KAZN: variants seen among roughly 807,000 people sequenced by gnomAD.
KAZN encodes kazrin, periplakin interacting protein.
In KAZN, 40 loss-of-function variants were observed where a neutral mutation model predicts 87.4. The observed-to-expected ratio is 0.46, with a 90% CI of 0.36 to 0.60. KAZN has a LOEUF of 0.60. Among genes scored for constraint, KAZN ranks in the 20% least tolerant of loss-of-function variants. The pLI is 0.00. For missense variants in KAZN, 898 were observed against 1,073.9 expected (o/e 0.84, Z 2.29); for synonymous variants, 466 against 458.3 (o/e 1.02, Z -0.22).
chr1:14,563,230 C>A (rs1274774351), intron 2 of KAZN, among the ~76,000 whole-genome samples: 1 of 152,198 alleles, frequency 6.6e-6, no homozygotes, highest in East Asian at 1.9e-4. Context: ...GCCTTTCTAC[C>A]AAGTGCATTC....
intron 2 of KAZN, among the ~76,000 whole-genome samples, chr1:14,444,984 A>G (rs1309832131): frequency 3.3e-5 from 5 of 151,976 alleles, no homozygotes; most frequent in African/African-American, 1.2e-4. Context: ...TAATCAAGTT[A>G]AAATGAGGTC....
chr1:14,325,639 A>G (rs950670449), intron 2 of KAZN, among the ~76,000 whole-genome samples: 1 of 152,204 alleles, frequency 6.6e-6, no homozygotes, highest in Non-Finnish European at 1.5e-5. Context: ...AACTCAAGGA[A>G]CTTCTTAATA....
At chr1:14,081,666 T>A (rs1305083182) in intron 1 of KAZN, among the ~76,000 whole-genome samples, 1 of 152,184 alleles carries the variant, frequency 6.6e-6, no homozygotes, top group Non-Finnish European at 1.5e-5. Context: ...CTGTGGCCAA[T>A]CCCTGATTTA....
At chr1:14,520,540 C>T (rs147492160) in intron 2 of KAZN, among the ~76,000 whole-genome samples, 1 of 152,184 alleles carries the variant, frequency 6.6e-6, no homozygotes, top group African/African-American at 2.4e-5. Flanking sequence ...AGCAGTGGCT[C>T]ATGGGACAAC....
At chr1:15,093,556 T>C (rs1640653933) in intron 8 of KAZN, among the ~76,000 whole-genome samples, 1 of 152,094 alleles carries the variant, frequency 6.6e-6, no homozygotes, top group South Asian at 2.1e-4. Flanking sequence ...TGAATCTGCA[T>C]TTTTACATAA....
intron 1 of KAZN, among the ~76,000 whole-genome samples, chr1:14,164,781 C>T (rs921818575): frequency 6.6e-5 from 10 of 151,966 alleles, no homozygotes; most frequent in African/African-American, 1.2e-4. Flanking sequence ...TCAGGTGATC[C>T]GCCTGCCTCG....
At chr1:14,580,635 A>G (rs779557179) in intron 2 of KAZN, among the ~76,000 whole-genome samples, 115 of 152,138 alleles carry the variant, frequency 7.6e-4, no homozygotes, top group Non-Finnish European at 1.4e-3. Flanking sequence ...GTGGTGGGTG[A>G]GGATTAGGAG....
chr1:14,812,700 A>C (rs183803439), intron 1 of KAZN, among the ~76,000 whole-genome samples: 78 of 152,214 alleles, frequency 5.1e-4, no homozygotes, highest in Admixed American at 1.4e-3. Context: ...TTTTTTGTAG[A>C]GATGAGGTCT....
rs2100691528 is a variant in KAZN at position 15,096,583 on chromosome 1, T to C, written c.1547+1650T>C. On this transcript the variant is annotated intron_variant, in intron 10 of 14. Transcript: ENST00000376030. This position sits in a 1 kb window ranked among gnomAD's most constrained non-coding sequence, Gnocchi z 4.5. ...CCATAACAAAATGACACCATCTGGGTTGCTTAGACAACAACTTACGTCTCA... is the reference window on the plus strand; with the variant it reads ...CCATAACAAAATGACACCATCTGGGCTGCTTAGACAACAACTTACGTCTCA... Among the ~76,000 whole-genome samples the C allele has an allele frequency of 6.6e-6, 1 of 152,248 alleles. No homozygotes were observed. Among genetic ancestry groups the C allele is most frequent in the South Asian group, 2.1e-4 (1 of 4,818 alleles).
chr1:15,025,607 C>A (rs539324656), intron 2 of KAZN, among the ~76,000 whole-genome samples: 12 of 152,326 alleles, frequency 7.9e-5, no homozygotes, highest in African/African-American at 2.4e-4. Context: ...AAATAAGAAG[C>A]TATTCCAGAT....
intron 1 of KAZN, among the ~76,000 whole-genome samples, chr1:14,032,620 A>G (rs1005437562): frequency 1.3e-5 from 2 of 152,170 alleles, no homozygotes; most frequent in African/African-American, 2.4e-5. Flanking sequence ...TCCATTCTGC[A>G]TGCAGCTACC....
At chr1:13,899,806 G>C (rs1489603431) in intron 1 of KAZN, among the ~76,000 whole-genome samples, 1 of 152,046 alleles carries the variant, frequency 6.6e-6, no homozygotes, top group Non-Finnish European at 1.5e-5. Context: ...ACCATGCCCA[G>C]CTAATTTTTG....
chr1:14,592,217 C>T (rs1030138418), intron 2 of KAZN, among the ~76,000 whole-genome samples: 5 of 152,114 alleles, frequency 3.3e-5, no homozygotes, highest in Admixed American at 6.5e-5. Flanking sequence ...ACAGAGACTC[C>T]GTCTGTGGAG....
intron 1 of KAZN, among the ~76,000 whole-genome samples, chr1:14,906,098 C>T (rs1344628137): frequency 4.0e-5 from 6 of 150,822 alleles, no homozygotes; most frequent in Admixed American, 6.6e-5. Flanking sequence ...ACCCGGTAGG[C>T]GGGGCTTGCA....
intron 2 of KAZN, among the ~76,000 whole-genome samples, chr1:14,500,733 A>G (rs1175587896): frequency 6.6e-6 from 1 of 152,186 alleles, no homozygotes; most frequent in Non-Finnish European, 1.5e-5. Flanking sequence ...GACTTAAACC[A>G]GGAATGAAAA....
intron 1 of KAZN, among the ~76,000 whole-genome samples, chr1:14,839,846 G>C (rs1454874143): frequency 2.6e-5 from 4 of 152,140 alleles, no homozygotes; most frequent in Non-Finnish European, 5.9e-5. Flanking sequence ...CTCTGGAGGT[G>C]CCTCTAAGTT....
chr1:15,056,003 C>A lies in KAZN; in HGVS notation c.727-88C>A. 1 of 1,326,218 alleles carries A rather than the reference C, an allele frequency of 7.5e-7. No individual in the cohort carries two copies. Among genetic ancestry groups the A allele is most frequent in the Non-Finnish European group, 1.1e-6 (1 of 945,364 alleles). The allele number at this position is 1,326,218 out of a possible 1,614,324, so 82.2% of individuals were successfully genotyped here. A position where few individuals can be genotyped will look rare whatever the true frequency, so the allele number is the denominator to read the frequency against. The stretch of plus-strand genomic sequence containing the variant: ...ACCCGGTGCAGAGGATCCGGGCTTT[C>A]TCCCCATGGCGGTGGGTGGTGCCAA... On this transcript the variant is annotated intron_variant, in intron 4 of 14. Coordinates refer to ENST00000376030, the MANE Select transcript of KAZN (RefSeq NM_201628.3). This position sits in a 1 kb window ranked among gnomAD's most constrained non-coding sequence, Gnocchi z 5.4.
At chr1:14,868,819 G>A (rs979083919) in intron 1 of KAZN, among the ~76,000 whole-genome samples, 16 of 151,880 alleles carry the variant, frequency 1.1e-4, no homozygotes, top group Non-Finnish European at 1.8e-4. Flanking sequence ...ACTCCAGCCT[G>A]CACAACAGAA....
intron 2 of KAZN, among the ~76,000 whole-genome samples, chr1:14,541,913 C>G (rs1440272928): frequency 6.6e-6 from 1 of 152,214 alleles, no homozygotes; most frequent in Non-Finnish European, 1.5e-5. Flanking sequence ...GTGGAAACGT[C>G]CACTTACTCG....
Sources: allele counts gnomAD v4.1 joint callset (sites outside exome capture counted in the v4.1 genomes callset), GRCh38; gene constraint gnomAD v4.1.1; non-coding constraint Gnocchi (gnomAD v3.1); transcripts MANE v1.5; gene names NCBI Gene and HGNC (gene_info 2026-07-23, HGNC 2026-07-21).